The following SPOCK3 variants were observed in gnomAD, a reference collection of about 807,000 sequenced individuals.
The protein encoded by SPOCK3 is SPARC (osteonectin), cwcv and kazal like domains proteoglycan 3, also known as testican-3.
SPOCK3 carries 30 observed loss-of-function variants against 56.6 expected under a neutral mutation model. The ratio of observed to expected loss-of-function variants is 0.53; its 90% CI spans 0.40 to 0.72. The LOEUF is 0.72. Among genes scored for constraint, SPOCK3 ranks in the 30% least tolerant of loss-of-function variants. SPOCK3 has a pLI of 0.00. For synonymous variants in SPOCK3, 196 were observed against 183.3 expected (o/e 1.07, Z -0.56); for missense variants, 527 against 530.0 (o/e 0.99, Z 0.06).
intron 2 of SPOCK3, among the ~76,000 whole-genome samples, chr4:167,205,863 C>G (rs1051979782): frequency 7.3e-5 from 11 of 151,366 alleles, no homozygotes; most frequent in Non-Finnish European, 1.6e-4. Flanking sequence ...CCCACCTCAG[C>G]CTTCCAAAGT....
At chr4:167,003,149 T>C (rs537882975) in intron 3 of SPOCK3, among the ~76,000 whole-genome samples, 4 of 152,140 alleles carry the variant, frequency 2.6e-5, no homozygotes, top group African/African-American at 9.7e-5. Context: ...AGTTTTGTCA[T>C]GTATGCTCAA....
At chr4:166,835,284 T>G (rs976768526) in intron 6 of SPOCK3, among the ~76,000 whole-genome samples, 1 of 152,198 alleles carries the variant, frequency 6.6e-6, no homozygotes, top group Admixed American at 6.5e-5. Flanking sequence ...TTCAAAAAAC[T>G]TTTGTCTATT....
At chr4:167,203,907 C>T (rs1278753819) in intron 2 of SPOCK3, among the ~76,000 whole-genome samples, 1 of 151,976 alleles carries the variant, frequency 6.6e-6, no homozygotes, top group African/African-American at 2.4e-5. Context: ...GGACTGTTTC[C>T]CTGTAAAATT....
At chr4:166,856,292 G>A (rs569394332) in intron 6 of SPOCK3, among the ~76,000 whole-genome samples, 1 of 152,148 alleles carries the variant, frequency 6.6e-6, no homozygotes, top group African/African-American at 2.4e-5. Flanking sequence ...GGTGACTGTA[G>A]TTAATAATAA....
At chr4:167,024,058 TG>T (rs1380717913) in intron 3 of SPOCK3, among the ~76,000 whole-genome samples, 1 of 152,016 alleles carries the variant, frequency 6.6e-6, no homozygotes, top group Admixed American at 6.6e-5. Context: ...CTCTCTCCCG[TG>T]GTTACAATTT....
chr4:166,869,606 C>A (rs1461216153), intron 6 of SPOCK3, among the ~76,000 whole-genome samples: 1 of 141,828 alleles, frequency 7.1e-6, no homozygotes, highest in Non-Finnish European at 1.5e-5. Context: ...CAATAGAATT[C>A]TGTGTGTGTG....
chr4:166,734,796 T>A lies in SPOCK3; in HGVS notation c.*125A>T, dbSNP rs563151339. ...ATAACTTTAGCTGCAATTTTTCAAA[T>A]AATTATACAAAATATATGTGAGGTT... is the stretch of plus-strand genomic sequence containing the variant. On this transcript the variant is annotated 3_prime_UTR_variant, in exon 11 of 11. Coordinates refer to ENST00000357545, the MANE Select transcript of SPOCK3 (RefSeq NM_001040159.2). 229 of 841,996 alleles carry A rather than the reference T, an allele frequency of 2.7e-4. No homozygotes were observed. The African/African-American group carries it at 3.5e-3, about 13-fold the overall frequency. The allele number at this position is 841,996 out of a possible 1,614,324, so 52.2% of individuals were successfully genotyped here.
chr4:166,764,760 A>G (rs1203330819), intron 7 of SPOCK3, among the ~76,000 whole-genome samples: 1 of 152,002 alleles, frequency 6.6e-6, no homozygotes, highest in Non-Finnish European at 1.5e-5. Context: ...TTGAGGAATC[A>G]CCACACTGTC....
At chr4:166,922,092 AG>A (rs1004620921) in intron 4 of SPOCK3, among the ~76,000 whole-genome samples, 6 of 152,116 alleles carry the variant, frequency 3.9e-5, no homozygotes, top group Admixed American at 2.0e-4. Context: ...GGCGGACACG[AG>A]GGGTCTAGGT....
chr4:166,854,258 TTC>T (rs1730430701), intron 6 of SPOCK3, among the ~76,000 whole-genome samples: 1 of 152,204 alleles, frequency 6.6e-6, no homozygotes, highest in African/African-American at 2.4e-5. Context: ...GAGAGGAGGA[TTC>T]TGATATTCAT....
intron 4 of SPOCK3, among the ~76,000 whole-genome samples, chr4:166,928,754 A>G (rs945132395): frequency 2.8e-4 from 43 of 152,096 alleles, no homozygotes; most frequent in Non-Finnish European, 1.2e-4. Flanking sequence ...GCGGATCGTG[A>G]GGTCAGCAGT....
intron 2 of SPOCK3, among the ~76,000 whole-genome samples, chr4:167,148,208 A>C (rs1382817155): frequency 6.6e-6 from 1 of 152,098 alleles, no homozygotes; most frequent in Non-Finnish European, 1.5e-5. Flanking sequence ...GTCACAATTT[A>C]GGTGTTTGGG....
At chr4:166,907,002 A>G (rs572644764) in intron 5 of SPOCK3, among the ~76,000 whole-genome samples, 25 of 152,208 alleles carry the variant, frequency 1.6e-4, no homozygotes, top group African/African-American at 5.5e-4. Context: ...AAATATTTAA[A>G]GTATTTGCCA....
At chr4:166,892,521 T>C (rs1389021700) in intron 5 of SPOCK3, among the ~76,000 whole-genome samples, 1 of 152,078 alleles carries the variant, frequency 6.6e-6, no homozygotes, top group African/African-American at 2.4e-5. Context: ...AAAATGCTAC[T>C]TTAAAATATT....
chr4:166,978,732 C>T (rs566107711), intron 4 of SPOCK3, among the ~76,000 whole-genome samples: 23 of 152,084 alleles, frequency 1.5e-4, no homozygotes, highest in African/African-American at 5.3e-4. Context: ...GTTTTATTTA[C>T]TAAGTGTGAT....
chr4:167,038,022 GAGA>G (rs1181971592), intron 3 of SPOCK3, among the ~76,000 whole-genome samples: 1 of 152,062 alleles, frequency 6.6e-6, no homozygotes, highest in Non-Finnish European at 1.5e-5. Flanking sequence ...CAATTTTCAG[GAGA>G]AGGACAATTA....
At chr4:166,888,679 A>T (rs1002259366) in intron 6 of SPOCK3, among the ~76,000 whole-genome samples, 43 of 152,088 alleles carry the variant, frequency 2.8e-4, no homozygotes, top group African/African-American at 9.4e-4. Context: ...ACAGGAAATT[A>T]TGAAACACCA....
intron 2 of SPOCK3, among the ~76,000 whole-genome samples, chr4:167,093,937 T>C (rs748477667): frequency 4.7e-4 from 72 of 152,312 alleles, no homozygotes; most frequent in Middle Eastern, 3.4e-3. Context: ...TCCAAACTTA[T>C]GTGCCTTTAC....
intron 8 of SPOCK3, among the ~76,000 whole-genome samples, chr4:166,746,017 G>A (rs2126433604): frequency 6.6e-6 from 1 of 152,266 alleles, no homozygotes; most frequent in Middle Eastern, 3.4e-3. Context: ...AAGAGACTTA[G>A]ACTCCCACAC....
Sources: allele counts gnomAD v4.1 joint callset (sites outside exome capture counted in the v4.1 genomes callset), GRCh38; gene constraint gnomAD v4.1.1; transcripts MANE v1.5; gene names NCBI Gene and HGNC (gene_info 2026-07-23, HGNC 2026-07-21).